ATXN7L2: variants seen among roughly 807,000 people sequenced by gnomAD.
ATXN7L2 encodes the protein ataxin-7-like protein 2.
In ATXN7L2, 17 loss-of-function variants were observed where a neutral mutation model predicts 59.6. The observed-to-expected ratio is 0.29, with a 90% CI of 0.20 to 0.43. ATXN7L2 has a LOEUF of 0.43. ATXN7L2 is among the 20% of genes least tolerant of loss of function. The pLI, the probability that ATXN7L2 is intolerant of heterozygous loss-of-function variation, is 1.00. For missense variants in ATXN7L2, 858 were observed against 1,008.9 expected, an observed-to-expected ratio of 0.85 and a Z score of 2.03; for synonymous variants, 378 against 392.5, an observed-to-expected ratio of 0.96 and a Z score of 0.44.
At chr1:109,487,333 T>TC in intron 4 of ATXN7L2, 116 bp downstream of exon 4, 1 of 1,199,608 alleles carries the variant, frequency 8.3e-7, no homozygotes, top group South Asian at 1.7e-5. Context: ...GAGGCAGCCG[T>TC]CCTGTCTGCA....
In ATXN7L2 at chr1:109,484,017, G is replaced by C. The variant is rs1258778121; in HGVS notation, c.64G>C (p.Asp22His). ...TCTGGAGCGGCGGGTGCCGAGTCTCGATGACTTCGCGGGACAGAGCTGGAG... is the reference window on the plus strand; with the variant it reads ...TCTGGAGCGGCGGGTGCCGAGTCTCCATGACTTCGCGGGACAGAGCTGGAG... ...AALERRVPSL[D>H]DFAGQSWSSW... Residue 22 changes from aspartate (D) to histidine (H), a missense_variant, in exon 1 of 11, where the codon GAT becomes CAT. Around this residue, in one of 3 missense-constraint regions of ATXN7L2, gnomAD observed 95 missense variants for 82.6 expected, o/e 1.15. Transcript: ENST00000683729. 6.3e-6 allele frequency: 9 copies of C among 1,438,066 alleles called. No individual in the cohort carries two copies. The highest frequency in any genetic ancestry group is 1.5e-5 in the South Asian group (1 of 66,490). 89.1% of individuals were successfully genotyped at this position (1,438,066 alleles called of 1,614,324 possible). A position where few individuals can be genotyped will look rare whatever the true frequency, so the allele number is the denominator to read the frequency against.
rs370959509 is a variant in ATXN7L2, at chr1:109,490,925, G to A, written c.1458G>A (p.Lys486=). 2.4e-4 allele frequency: 370 copies of A among 1,547,172 alleles called. No homozygotes were observed. Among genetic ancestry groups the A allele is most frequent in the Non-Finnish European group, 3.0e-4 (346 of 1,146,654 alleles). Residue 486 remains lysine, a synonymous_variant, in exon 10 of 11, where the codon AAG becomes AAA. Transcript: ENST00000683729. ...TGGGGCTTTCTTTTTGCTGCAGGAA[G>A]ATCCCACCGGCAGCTGAACCTCCAG... ...ERHLSTHMWK[K]IPPAAEPPAH...
In ATXN7L2 at chr1:109,491,462, T is replaced by G. The variant is rs1446189087; in HGVS notation, c.1995T>G (p.Pro665=). 6.2e-7 allele frequency: 1 copy of G among 1,613,932 alleles called. No homozygotes were observed. Among genetic ancestry groups the G allele is most frequent in the Non-Finnish European group, 8.5e-7 (1 of 1,180,034 alleles). Residue 665 remains proline (P), a synonymous_variant, in exon 10 of 11, where the codon CCT becomes CCG. Transcript: ENST00000683729. This position sits in a 1 kb window ranked among gnomAD's most constrained non-coding sequence, Gnocchi z 4.1. ...GGCCCCTGGACTGTCGTGGCTCCCC[T>G]CATCAGCTCCCCACACCAGTCAAGG... ...RAGPLDCRGS[P]HQLPTPVKAS... is the part of the protein sequence containing the mutation.
rs79332569 is a variant in ATXN7L2 at position 109,490,602 on chromosome 1, G to A, written c.1454+210G>A. On this transcript the variant is annotated intron_variant, in intron 9 of 10. Coordinates refer to ENST00000683729, the MANE Select transcript of ATXN7L2 (RefSeq NM_001350175.2). Reference sequence around the variant, plus strand: ...GGCTAAGGCAGGGCATGGAAGGGTGGTCTGGGGGTGAATCTAGACTTTCAT... The same window carrying A: ...GGCTAAGGCAGGGCATGGAAGGGTGATCTGGGGGTGAATCTAGACTTTCAT... Among the ~76,000 whole-genome samples, 6,342 of 152,280 alleles carry A rather than the reference G, an allele frequency of 0.042. 183 individuals are homozygous for A. The highest frequency in any genetic ancestry group is 0.064 in the Non-Finnish European group (4,362 of 68,012).
At position 109,491,105 on chromosome 1, in the gene ATXN7L2, C is replaced by A. The variant is rs1657023822; in HGVS notation, c.1638C>A (p.Pro546=). The change falls in exon 10 of 11, where the codon CCC becomes CCA. Residue 546 remains proline, a synonymous_variant. Coordinates refer to ENST00000683729, the MANE Select transcript of ATXN7L2 (RefSeq NM_001350175.2). The surrounding 1 kb of genome is among the most constrained non-coding windows in gnomAD (Gnocchi z 4.1). The part of the protein sequence containing the change: ...NLVPSYPAGS[P]SVAAACSQAE... Reference sequence around the variant, plus strand: ...TCCCCAGCTACCCTGCAGGCTCCCCCAGCGTGGCGGCTGCCTGTAGCCAGG... The same window carrying A: ...TCCCCAGCTACCCTGCAGGCTCCCCAAGCGTGGCGGCTGCCTGTAGCCAGG... 1.2e-6 allele frequency: 2 copies of A among 1,613,636 alleles called. No individual in the cohort carries two copies. Among genetic ancestry groups the A allele is most frequent in the African/African-American group, 1.3e-5 (1 of 75,074 alleles).
intron 9 of ATXN7L2, 68 bp from the exon 10 acceptor site, chr1:109,490,854 T>C: frequency 2.0e-6 from 3 of 1,476,926 alleles, no homozygotes; most frequent in Non-Finnish European, 2.7e-6. Context: ...GAGACTGGAG[T>C]GTGTCTTGTG....
chr1:109,486,394 A>T lies in ATXN7L2; in HGVS notation c.194-112A>T. On this transcript the variant is annotated intron_variant, in intron 2 of 10. Coordinates refer to ENST00000683729, the MANE Select transcript of ATXN7L2 (RefSeq NM_001350175.2). The surrounding 1 kb of genome is among the most constrained non-coding windows in gnomAD (Gnocchi z 4.3). Reference sequence around the variant, plus strand: ...GGAAGCATTCAGCATGGAGCTTGTTATATCAGCGGGGAGGTGAAGTGCCTT... The same window carrying T: ...GGAAGCATTCAGCATGGAGCTTGTTTTATCAGCGGGGAGGTGAAGTGCCTT... 1 of 996,046 alleles carries T rather than the reference A, an allele frequency of 1.0e-6. No homozygotes were observed. The highest frequency in any genetic ancestry group is 2.6e-5 in the East Asian group (1 of 38,574). The allele number at this position is 996,046 out of a possible 1,614,324, so 61.7% of individuals were successfully genotyped here.
intron 7 of ATXN7L2, 157 bp from the exon 8 acceptor site, chr1:109,489,773 G>T: frequency 1.4e-6 from 1 of 739,516 alleles, no homozygotes; most frequent in South Asian, 1.7e-5. Flanking sequence ...GAGCTGTGTC[G>T]TTCCCTCCTG....
At chr1:109,485,319 G>T in intron 1 of ATXN7L2, 2 of 985,366 alleles carry the variant, frequency 2.0e-6, no homozygotes, top group South Asian at 9.4e-5. Flanking sequence ...AGATGTTTTT[G>T]TCATTAACCC....
At chr1:109,485,899 G>A (rs553379352) in intron 1 of ATXN7L2, 158 bp from the exon 2 acceptor site, 2 of 1,283,496 alleles carry the variant, frequency 1.6e-6, no homozygotes, top group East Asian at 3.0e-5. Context: ...TTGTCACGGA[G>A]TGTGGGCTTC....
rs899978443 is a variant in ATXN7L2, at chr1:109,488,340, C to T, written c.797-43C>T. 3 of 1,547,478 alleles carry T rather than the reference C, an allele frequency of 1.9e-6. No homozygotes were observed. Among genetic ancestry groups the T allele is most frequent in the Non-Finnish European group, 2.6e-6 (3 of 1,135,554 alleles). On this transcript the variant is annotated intron_variant, in intron 5 of 10. Coordinates refer to ENST00000683729, the MANE Select transcript of ATXN7L2 (RefSeq NM_001350175.2). The surrounding 1 kb of genome is among the most constrained non-coding windows in gnomAD (Gnocchi z 5.0). ...AGCGGCCAAATCCTCCTGTAAACTC[C>T]TGGAAATGGTCTTGAGGTTCATTGG... is the stretch of plus-strand genomic sequence containing the variant.
In ATXN7L2 at chr1:109,484,005, G is replaced by C; in HGVS notation, c.52G>C (p.Val18Leu). ...AAAMAALERR[V>L]PSLDDFAGQS... is the part of the protein sequence containing the mutation. ...AGCAATGGCCGCTCTGGAGCGGCGG[G>C]TGCCGAGTCTCGATGACTTCGCGGG... Residue 18 changes from valine (V) to leucine (L), a missense_variant, in exon 1 of 11, where the codon GTG becomes CTG. By Grantham distance (32) the Val-to-Leu change is conservative (BLOSUM62 1). Around this residue, in one of 3 missense-constraint regions of ATXN7L2, gnomAD observed 95 missense variants for 82.6 expected, o/e 1.15. Coordinates refer to ENST00000683729, the MANE Select transcript of ATXN7L2 (RefSeq NM_001350175.2). 7.2e-7 allele frequency: 1 copy of C among 1,393,990 alleles called. No homozygotes were observed. The highest frequency in any genetic ancestry group is 9.4e-7 in the Non-Finnish European group (1 of 1,062,978). 86.4% of individuals were successfully genotyped at this position (1,393,990 alleles called of 1,614,324 possible). A position where few individuals can be genotyped will look rare whatever the true frequency, so the allele number is the denominator to read the frequency against.
rs575054885 is a variant in ATXN7L2, at chr1:109,488,255, C to T, written c.797-128C>T. ...CAGAAGTTTATCTGGAAGGTACAGC[C>T]CCAGGCTGAGGGCTGGAGTCTCTTC... On this transcript the variant is annotated intron_variant, in intron 5 of 10. Coordinates refer to ENST00000683729, the MANE Select transcript of ATXN7L2 (RefSeq NM_001350175.2). The surrounding 1 kb of genome is among the most constrained non-coding windows in gnomAD (Gnocchi z 5.0). 175 of 883,806 alleles carry T rather than the reference C, an allele frequency of 2.0e-4. 1 individual carries two copies. In the South Asian group the frequency reaches 2.5e-3, roughly 12 times the overall value. The allele number at this position is 883,806 out of a possible 1,614,324, so 54.7% of individuals were successfully genotyped here.
At position 109,491,416 on chromosome 1, in the gene ATXN7L2, G is replaced by T; in HGVS notation, c.1949G>T (p.Gly650Val). ...AGCATGGGGCTTAATGGGACAATGG[G>T]GCCAAGAGTGAAGCGGGCAGGGCCC... ...ALSMGLNGTM[G>V]PRVKRAGPLD... The change falls in exon 10 of 11, where the codon GGG becomes GTG. Residue 650 changes from glycine (G) to valine (V), a missense_variant. By Grantham distance (109) the Gly-to-Val change is moderately radical (BLOSUM62 -3). Transcript: ENST00000683729. This position sits in a 1 kb window ranked among gnomAD's most constrained non-coding sequence, Gnocchi z 4.1. The T allele has an allele frequency of 3.7e-6, 6 of 1,614,188 alleles. No homozygotes were observed. The highest frequency in any genetic ancestry group is 5.1e-6 in the Non-Finnish European group (6 of 1,180,052).
At chr1:109,485,415 G>A (rs979533918) in intron 1 of ATXN7L2, 2 of 985,346 alleles carry the variant, frequency 2.0e-6, no homozygotes, top group African/African-American at 3.5e-5. Context: ...AGACTTTGAA[G>A]ATGCTCAAGG....
In ATXN7L2 at chr1:109,488,118, C is replaced by T. The variant is rs1397214532; in HGVS notation, c.797-265C>T. On this transcript the variant is annotated intron_variant, in intron 5 of 10. Transcript: ENST00000683729. This position sits in a 1 kb window ranked among gnomAD's most constrained non-coding sequence, Gnocchi z 5.0. ...TCTCTGGCCTCCCAGATGCCCATGG[C>T]TGCTTTTGTTTCTTGATGTGTGTTG... 6.6e-6 allele frequency among the ~76,000 whole-genome samples: 1 copy of T among 152,252 alleles called. No homozygotes were observed. The highest frequency in any genetic ancestry group is 2.4e-5 in the African/African-American group (1 of 41,472).
rs142855927 is a variant in ATXN7L2, at chr1:109,486,606, C to T, written c.294C>T (p.His98=). 1.1e-5 allele frequency: 18 copies of T among 1,613,318 alleles called. No homozygotes were observed. In the African/African-American group the frequency reaches 2.3e-4, roughly 20 times the overall value. Residue 98 remains histidine, a synonymous_variant, in exon 3 of 11, where the codon CAC becomes CAT. Transcript: ENST00000683729. This position sits in a 1 kb window ranked among gnomAD's most constrained non-coding sequence, Gnocchi z 4.3. ...QVVKPQAFQK[H]CERRHGPLSK... is the part of the protein sequence containing the mutation. ...TGAAGCCTCAAGCTTTCCAGAAGCA[C>T]TGCGGTGAGGGGAGCCCTAGGGAGG...
At chr1:109,492,469 C>G in intron 10 of ATXN7L2, 117 bp from the exon 11 acceptor site, 1 of 1,401,666 alleles carries the variant, frequency 7.1e-7, no homozygotes. Context: ...CAGTTTTACT[C>G]ACCAGGCCAG....
chr1:109,492,776 C>G (rs866200572), downstream of ATXN7L2: 1 of 760,136 alleles, frequency 1.3e-6, no homozygotes, highest in South Asian at 2.3e-5. Flanking sequence ...AATATAAAAA[C>G]AGAAACATAG....
Sources: allele counts gnomAD v4.1 joint callset (sites outside exome capture counted in the v4.1 genomes callset), GRCh38; gene constraint gnomAD v4.1.1; regional missense constraint gnomAD v4.1.1; non-coding constraint Gnocchi (gnomAD v3.1); transcripts MANE v1.5; gene names NCBI Gene and HGNC (gene_info 2026-07-23, HGNC 2026-07-21).